LEF1: variants seen among roughly 807,000 people sequenced by gnomAD.
LEF1 encodes the protein lymphoid enhancer binding factor 1, also known as lymphoid enhancer-binding factor 1.
Under a neutral mutation model 51.2 loss-of-function variants are expected in LEF1, and 14 were observed. That is an observed-to-expected ratio of 0.27 (90% CI 0.18 to 0.43). The LOEUF is 0.43. Among genes scored for constraint, LEF1 ranks in the 20% least tolerant of loss-of-function variants. The probability of loss-of-function intolerance (pLI) is 1.00; values close to 1 mark genes in which losing one functional copy is unlikely to be tolerated. For synonymous variants in LEF1, 185 were observed against 183.2 expected (o/e 1.01, Z -0.08); for missense variants, 386 against 512.0 (o/e 0.75, Z 2.37).
rs145979646 is a variant in LEF1, at chr4:108,135,947, T to C, written c.414+27621A>G. Among the ~76,000 whole-genome samples the C allele has an allele frequency of 4.3e-3, 649 of 152,296 alleles. 3 individuals carry two copies. The highest frequency in any genetic ancestry group is 0.015 in the African/African-American group (612 of 41,574). The stretch of plus-strand genomic sequence containing the variant: ...TGAACTGTACAAACAGTATGACTTC[T>C]TCCTTGCCCATACATGAAGAAAATC... On this transcript the variant is annotated intron_variant, in intron 3 of 11. Coordinates refer to ENST00000265165, the MANE Select transcript of LEF1 (RefSeq NM_016269.5).
intron 11 of LEF1, among the ~76,000 whole-genome samples, chr4:108,055,489 A>T (rs565158314): frequency 6.6e-6 from 1 of 152,348 alleles, no homozygotes; most frequent in South Asian, 2.1e-4. Context: ...TAAAGATGTA[A>T]ACCATATAGC....
intron 3 of LEF1, among the ~76,000 whole-genome samples, chr4:108,099,546 G>A (rs1740620464): frequency 1.1e-5 from 1 of 87,056 alleles, no homozygotes; most frequent in Non-Finnish European, 2.3e-5. Flanking sequence ...GTGTATATGT[G>A]TGTGTGTGTA....
chr4:108,083,529 A>T, intron 4 of LEF1, 83 bp from the exon 5 acceptor site: 2 of 801,128 alleles, frequency 2.5e-6, no homozygotes, highest in East Asian at 2.7e-5. Context: ...TATACCATTC[A>T]TACTTAAGGT....
intron 3 of LEF1, among the ~76,000 whole-genome samples, chr4:108,122,963 T>A (rs752403813): frequency 7.9e-5 from 12 of 152,352 alleles, no homozygotes; most frequent in Non-Finnish European, 1.3e-4. Flanking sequence ...CAACACAGAT[T>A]TAAAGATTTT....
chr4:108,078,051 A>G (rs1373965760), intron 8 of LEF1, among the ~76,000 whole-genome samples, 169 bp downstream of exon 8: 1 of 152,148 alleles, frequency 6.6e-6, no homozygotes, highest in Non-Finnish European at 1.5e-5. Context: ...GTCTCAAAAA[A>G]AAAGAATAAC....
chr4:108,048,801 T>G (rs751739212), intron 11 of LEF1, 50 bp from the exon 12 acceptor site: 2 of 1,352,190 alleles, frequency 1.5e-6, no homozygotes, highest in Non-Finnish European at 2.1e-6. Context: ...GCCGTAGGCC[T>G]TAAGATTATA....
intron 11 of LEF1, among the ~76,000 whole-genome samples, chr4:108,056,855 C>A (rs1737336805): frequency 1.3e-5 from 2 of 149,162 alleles, no homozygotes; most frequent in African/African-American, 4.9e-5. Context: ...GACCTCACCA[C>A]TGTGGTAAAA....
chr4:108,070,475 C>CAA (rs375476270), intron 9 of LEF1, 188 bp downstream of exon 9: 91 of 326,254 alleles, frequency 2.8e-4, no homozygotes, highest in South Asian at 4.7e-4. Context: ...GCACCCATAG[C>CAA]AAAAAAAAAA....
chr4:108,152,698 T>C (rs1744429632), intron 3 of LEF1, among the ~76,000 whole-genome samples: 2 of 152,242 alleles, frequency 1.3e-5, no homozygotes, highest in Admixed American at 1.3e-4. Context: ...AATGGAGAGT[T>C]TGTTAAAAGC....
chr4:108,141,780 A>G (rs780150955), intron 3 of LEF1, among the ~76,000 whole-genome samples: 4 of 152,098 alleles, frequency 2.6e-5, no homozygotes, highest in Non-Finnish European at 4.4e-5. Context: ...TGCTTTTAGT[A>G]TTGACTCTGA....
At chr4:108,106,397 C>T (rs992926854) in intron 3 of LEF1, among the ~76,000 whole-genome samples, 5 of 151,954 alleles carry the variant, frequency 3.3e-5, no homozygotes, top group Admixed American at 6.6e-5. Flanking sequence ...CTGGGTGTGC[C>T]GGGTGAAGGG....
intron 3 of LEF1, among the ~76,000 whole-genome samples, chr4:108,106,557 T>G (rs749428171): frequency 3.9e-5 from 6 of 152,180 alleles, no homozygotes; most frequent in Non-Finnish European, 8.8e-5. Flanking sequence ...GGTGCACTGA[T>G]GTACACACAT....
intron 1 of LEF1, chr4:108,165,404 T>TA: frequency 2.0e-6 from 1 of 506,180 alleles, no homozygotes; most frequent in Non-Finnish European, 3.5e-6. Context: ...ACAAAACCAA[T>TA]AAAAATATAG....
intron 8 of LEF1, among the ~76,000 whole-genome samples, chr4:108,077,156 T>C (rs973893384): frequency 1.3e-5 from 2 of 151,790 alleles, no homozygotes; most frequent in African/African-American, 4.8e-5. Flanking sequence ...CTGGGCAGCA[T>C]AGCAATACCA....
intron 8 of LEF1, among the ~76,000 whole-genome samples, chr4:108,076,478 C>T (rs1449981587): frequency 6.6e-6 from 1 of 152,132 alleles, no homozygotes; most frequent in Non-Finnish European, 1.5e-5. Context: ...AAGTGATTCT[C>T]CTGCCTCCTG....
chr4:108,168,579 A>T lies in LEF1; in HGVS notation c.-812T>A, dbSNP rs1745561417. 6.6e-6 allele frequency: 1 copy of T among 152,110 alleles called. No homozygotes were observed. Among genetic ancestry groups the T allele is most frequent in the African/African-American group, 2.4e-5 (1 of 41,426 alleles). The allele number at this position is 152,110 out of a possible 1,614,324, so 9.4% of individuals were successfully genotyped here. ...TTGCCGGCAAGCGCGGGGACTCCGC[A>T]GTGGAGGGCACTGCGGAGTCTCGGG... On this transcript the variant is annotated 5_prime_UTR_variant, in exon 1 of 12. Transcript: ENST00000265165. This position sits in a 1 kb window ranked among gnomAD's most constrained non-coding sequence, Gnocchi z 4.6.
chr4:108,107,049 C>A (rs529369017), intron 3 of LEF1, among the ~76,000 whole-genome samples: 8 of 152,232 alleles, frequency 5.3e-5, no homozygotes, highest in East Asian at 1.9e-4. Context: ...TACAAAAAAA[C>A]CCCACATCTC....
chr4:108,095,713 A>G (rs905262137), intron 3 of LEF1, among the ~76,000 whole-genome samples: 3 of 152,194 alleles, frequency 2.0e-5, no homozygotes, highest in Non-Finnish European at 2.9e-5. Context: ...AAGGTGGTGA[A>G]TTCCAAACAT....
Position 108,099,516 on chromosome 4 carries a change from A to ATG in LEF1, c.415-10261_415-10260dup, listed in dbSNP as rs1740610279. 3.7e-5 allele frequency among the ~76,000 whole-genome samples: 3 copies of ATG among 81,180 alleles called. No homozygotes were observed. In the South Asian group the frequency reaches 1.2e-3, roughly 34 times the overall value. The allele number at this position is 81,180 out of a possible 152,430, so 53.3% of individuals were successfully genotyped here. ...CACATGTATGTATATATATATGTGT[A>ATG]TGTATATATATATATATATGTGTAT... On this transcript the variant is annotated intron_variant, in intron 3 of 11. Transcript: ENST00000265165.
Sources: gnomAD v4.1 joint callset for allele counts (sites outside exome capture counted in the v4.1 genomes callset) on GRCh38, gnomAD v4.1.1 for gene constraint, Gnocchi (gnomAD v3.1) non-coding constraint, MANE v1.5 for transcripts, NCBI Gene and HGNC (gene_info 2026-07-23, HGNC 2026-07-21) for gene names.